The following TRPC3 variants were observed in gnomAD, a reference collection of about 807,000 sequenced individuals.
The protein encoded by TRPC3 is short transient receptor potential channel 3.
In TRPC3, 54 loss-of-function variants were observed where a neutral mutation model predicts 90.9. That is an observed-to-expected ratio of 0.59 (90% confidence interval 0.48 to 0.75). The LOEUF (loss-of-function observed/expected upper bound fraction) is 0.75. Ranked by LOEUF, TRPC3 falls within the 30% of genes least tolerant of loss-of-function variation. TRPC3 has a pLI of 0.00. For missense variants in TRPC3, 918 were observed against 1,194.5 expected, an observed-to-expected ratio of 0.77 and a Z score of 3.41; for synonymous variants, 424 against 450.9, an observed-to-expected ratio of 0.94 and a Z score of 0.75.
intron 9 of TRPC3, 25 bp downstream of exon 9, chr4:121,902,827 G>A (rs1271098486): frequency 1.3e-6 from 2 of 1,506,954 alleles, no homozygotes; most frequent in Non-Finnish European, 1.8e-6. Flanking sequence ...TTATTTTAAG[G>A]TCTTGGTAAG....
Position 121,879,731 on chromosome 4 carries a change from C to T in TRPC3, c.*5G>A, listed in dbSNP as rs777475550. The T allele has an allele frequency of 1.2e-6, 2 of 1,603,792 alleles. No homozygotes were observed. The highest frequency in any genetic ancestry group is 2.3e-5 in the South Asian group (2 of 88,518). On this transcript the variant is annotated 3_prime_UTR_variant, in exon 12 of 12. Transcript: ENST00000379645. Reference sequence around the variant, plus strand: ...TATAGTCAAAGCCAAATCCAGGTTGCTGCATCATTCACATCTCAGCATGCT... The same window carrying T: ...TATAGTCAAAGCCAAATCCAGGTTGTTGCATCATTCACATCTCAGCATGCT...
intron 1 of TRPC3, among the ~76,000 whole-genome samples, chr4:121,937,573 A>G (rs2149146922): frequency 6.6e-6 from 1 of 152,362 alleles, no homozygotes; most frequent in South Asian, 2.1e-4. Flanking sequence ...TGAAGGAGTG[A>G]TATTTTTAAA....
intron 3 of TRPC3, among the ~76,000 whole-genome samples, chr4:121,919,065 C>A (rs1220042294): frequency 6.6e-6 from 1 of 152,152 alleles, no homozygotes; most frequent in Non-Finnish European, 1.5e-5. Context: ...TTTGAGTTTT[C>A]TGATTCAAAG....
chr4:121,920,119 TC>T (rs1729452035), intron 3 of TRPC3, among the ~76,000 whole-genome samples: 1 of 152,222 alleles, frequency 6.6e-6, no homozygotes, highest in African/African-American at 2.4e-5. Context: ...TCAAATTTCA[TC>T]TTCCAGTGTA....
chr4:121,939,856 C>T (rs978188110), intron 1 of TRPC3, among the ~76,000 whole-genome samples: 9 of 152,156 alleles, frequency 5.9e-5, no homozygotes, highest in African/African-American at 2.2e-4. Context: ...GAACAGTGCC[C>T]AGAGACCAGA....
chr4:121,876,342 C>T lies in TRPC3; in HGVS notation c.*3394G>A, dbSNP rs368264883. ...AAAAAGACATGGAAAGAAAGATTAC[C>T]ACCTTGGATGATGACATTAACCTCC... On this transcript the variant is annotated 3_prime_UTR_variant, in exon 12 of 12. Coordinates refer to ENST00000379645, the MANE Select transcript of TRPC3 (RefSeq NM_001130698.2). Among the ~76,000 whole-genome samples the T allele has an allele frequency of 4.0e-4, 61 of 152,122 alleles. 1 individual carries two copies. Among genetic ancestry groups the T allele is most frequent in the South Asian group, 2.9e-3 (14 of 4,814 alleles).
Position 121,907,573 on chromosome 4 carries a change from A to G in TRPC3, c.1793-6T>C, listed in dbSNP as rs777612960. The G allele has an allele frequency of 3.1e-6, 5 of 1,590,892 alleles. No individual in the cohort carries two copies. The highest frequency in any genetic ancestry group is 2.7e-5 in the African/African-American group (2 of 73,452). On this transcript the variant is annotated splice_region_variant and splice_polypyrimidine_tract_variant and intron_variant, in intron 6 of 11. Transcript: ENST00000379645. ...AGGGAGCCATTTATCTCTAGCTAGAAAAAAGAGAGAAAGAGATTAAAAATG... is the reference window on the plus strand; with the variant it reads ...AGGGAGCCATTTATCTCTAGCTAGAGAAAAGAGAGAAAGAGATTAAAAATG...
At chr4:121,893,646 A>C (rs1388427300) in intron 10 of TRPC3, among the ~76,000 whole-genome samples, 1 of 152,136 alleles carries the variant, frequency 6.6e-6, no homozygotes, top group East Asian at 1.9e-4. Flanking sequence ...TGTAACGTTG[A>C]CTATACAAAA....
rs376302115 is a variant in TRPC3 at position 121,914,918 on chromosome 4, C to G, written c.1203G>C (p.Gln401His). The change falls in exon 4 of 12, where the codon CAG (glutamine) becomes CAC (histidine). Residue 401 changes from glutamine (Q) to histidine (H), a missense_variant. By Grantham distance (24) the Gln-to-His change is conservative. Coordinates refer to ENST00000379645, the MANE Select transcript of TRPC3 (RefSeq NM_001130698.2). ...KKFVAHPNCQQQLLTIWYENL... is the reference protein window; with the variant it reads ...KKFVAHPNCQHQLLTIWYENL... ...TCTCATACCAGATCGTCAAGAGCTG[C>G]TGCTGGCAGTTGGGATGAGCCACAA... 1 of 1,608,316 alleles carries G rather than the reference C, an allele frequency of 6.2e-7. No individual in the cohort carries two copies. Among genetic ancestry groups the G allele is most frequent in the African/African-American group, 1.3e-5 (1 of 74,830 alleles).
intron 3 of TRPC3, among the ~76,000 whole-genome samples, chr4:121,917,470 T>G (rs1276766125): frequency 6.6e-6 from 1 of 152,112 alleles, no homozygotes; most frequent in Non-Finnish European, 1.5e-5. Context: ...CTTAAGCCCC[T>G]CCTATGATCC....
chr4:121,951,628 G>A lies in TRPC3; in HGVS notation c.53C>T (p.Ala18Val). The A allele has an allele frequency of 1.4e-6, 2 of 1,427,070 alleles. No homozygotes were observed. Among genetic ancestry groups the A allele is most frequent in the South Asian group, 1.5e-5 (1 of 67,316 alleles). 88.4% of individuals were successfully genotyped at this position (1,427,070 alleles called of 1,614,324 possible). A position where few individuals can be genotyped will look rare whatever the true frequency, so the allele number is the denominator to read the frequency against. The change falls in exon 1 of 12, where the codon GCG (alanine) becomes GTG (valine). Residue 18 changes from alanine (A) to valine (V), a missense_variant. By Grantham distance (64) the Ala-to-Val change is moderately conservative. Around this residue, in one of 4 missense-constraint regions of TRPC3, gnomAD observed 609 missense variants for 725.9 expected, o/e 0.84. Coordinates refer to ENST00000379645, the MANE Select transcript of TRPC3 (RefSeq NM_001130698.2). This position sits in a 1 kb window ranked among gnomAD's most constrained non-coding sequence, Gnocchi z 4.4. ...GCCCTCGTCTTCCTCCTCCTCCGGC[G>A]CCGGGAAGGTCACCCTTGCTTGTTC... ...CKEQARVTFPAPEEEEDEGED... is the reference protein window; with the variant it reads ...CKEQARVTFPVPEEEEDEGED...
At position 121,951,589 on chromosome 4, in the gene TRPC3, GCGCCCTCGTCCT is replaced by G. The variant is rs1365461890; in HGVS notation, c.80_91del (p.Glu27_Gly30del). On this transcript the variant is annotated inframe_deletion, in exon 1 of 12. Transcript: ENST00000379645. The surrounding 1 kb of genome is among the most constrained non-coding windows in gnomAD (Gnocchi z 4.4). The stretch of plus-strand genomic sequence containing the variant: ...GCCCCGGCGGCGGCGCTGCGGCTCC[GCGCCCTCGTCCT>G]CGCCCTCGTCTTCCTCCTCCTCCGG... The G allele has an allele frequency of 2.1e-6, 3 of 1,453,060 alleles. No homozygotes were observed. Among genetic ancestry groups the G allele is most frequent in the Admixed American group, 5.3e-5 (2 of 37,994 alleles). 90.0% of individuals were successfully genotyped at this position (1,453,060 alleles called of 1,614,324 possible). A position where few individuals can be genotyped will look rare whatever the true frequency, so the allele number is the denominator to read the frequency against.
chr4:121,950,022 T>C (rs1730630509), intron 1 of TRPC3, among the ~76,000 whole-genome samples: 1 of 152,034 alleles, frequency 6.6e-6, no homozygotes. Context: ...AAAGGAAAAA[T>C]GGACAATGTT....
chr4:121,884,129 G>A (rs957154328), intron 10 of TRPC3, among the ~76,000 whole-genome samples: 12 of 152,172 alleles, frequency 7.9e-5, no homozygotes, highest in African/African-American at 2.7e-4. Flanking sequence ...ACAACAGTGT[G>A]GATGAATCTT....
intron 2 of TRPC3, among the ~76,000 whole-genome samples, chr4:121,931,359 A>G (rs1729911766): frequency 6.6e-6 from 1 of 152,234 alleles, no homozygotes; most frequent in African/African-American, 2.4e-5. Flanking sequence ...ATGGGAGACA[A>G]GAAGCTGCCA....
chr4:121,882,311 A>G (rs1400523394), intron 11 of TRPC3, 43 bp downstream of exon 11: 3 of 1,548,890 alleles, frequency 1.9e-6, no homozygotes, highest in Non-Finnish European at 1.8e-6. Flanking sequence ...CAGGTTCATT[A>G]AGTTAGCTAT....
rs765662860 is a variant in TRPC3, at chr4:121,932,273, T to G, written c.985A>C (p.Lys329Gln). The G allele has an allele frequency of 6.2e-7, 1 of 1,613,386 alleles. No individual in the cohort carries two copies. The highest frequency in any genetic ancestry group is 8.5e-7 in the Non-Finnish European group (1 of 1,179,478). Residue 329 changes from lysine to glutamine, a missense_variant and splice_region_variant, in exon 2 of 12, where the codon AAG becomes CAG. Physicochemically the swap from Lys to Gln is moderately conservative, Grantham distance 53. Transcript: ENST00000379645. The surrounding 1 kb of genome is among the most constrained non-coding windows in gnomAD (Gnocchi z 7.7). The stretch of plus-strand genomic sequence containing the variant: ...CCGGGGTAGAGCGCAAAGCTTACCT[T>G]GAACTCCTTCTCTATGTTGGCCAGC... ...AKLANIEKEF[K>Q]NDYRKLSMQC...
intron 3 of TRPC3, among the ~76,000 whole-genome samples, chr4:121,920,664 A>G (rs1198741299): frequency 6.6e-6 from 1 of 152,246 alleles, no homozygotes; most frequent in Admixed American, 6.5e-5. Context: ...GTTTAAGAGA[A>G]GGAAAATGGT....
In TRPC3 at chr4:121,907,364, T is replaced by C. The variant is rs1229153649; in HGVS notation, c.1996A>G (p.Ile666Val). 6.2e-7 allele frequency: 1 copy of C among 1,613,232 alleles called. No individual in the cohort carries two copies. Among genetic ancestry groups the C allele is most frequent in the African/African-American group, 1.3e-5 (1 of 74,944 alleles). ...TAAGAATAAAGTATGAACATGCCAA[T>C]CATAAAGGCAAAAAACACCATAATA... ...LFIMVFFAFM[I>V]GMFILYSYYL... is the part of the protein sequence containing the mutation. Residue 666 changes from isoleucine to valine, a missense_variant, in exon 7 of 12, where the codon ATT becomes GTT. This residue lies in a region of TRPC3 where 147 missense variants were observed against 263.5 expected (regional missense o/e 0.56). Transcript: ENST00000379645.
Sources: allele counts gnomAD v4.1 joint callset (sites outside exome capture counted in the v4.1 genomes callset), GRCh38; gene constraint gnomAD v4.1.1; regional missense constraint gnomAD v4.1.1; non-coding constraint Gnocchi (gnomAD v3.1); transcripts MANE v1.5; gene names NCBI Gene and HGNC (gene_info 2026-07-23, HGNC 2026-07-21).